The following ASGR2 variants were observed in gnomAD, a reference collection of about 807,000 sequenced individuals.
The protein encoded by ASGR2 is asialoglycoprotein receptor 2.
In ASGR2, 34 loss-of-function variants were observed where a neutral mutation model predicts 32.3. The observed-to-expected ratio is 1.05, with a 90% CI of 0.80 to 1.40. The LOEUF is 1.40. Among genes scored for constraint, ASGR2 ranks in the 40% most tolerant of loss-of-function variants. The pLI is 0.00. For synonymous variants in ASGR2, 143 were observed against 150.0 expected (o/e 0.95, Z 0.34); for missense variants, 385 against 386.4 (o/e 1.00, Z 0.03).
intron 7 of ASGR2, among the ~76,000 whole-genome samples, chr17:7,105,854 T>C (rs866030598): frequency 6.6e-6 from 1 of 151,038 alleles, no homozygotes; most frequent in South Asian, 2.1e-4. Context: ...AATGGCGCAG[T>C]CTCAGCTCAC....
In ASGR2 at chr17:7,107,552, TAC is replaced by T. The variant is rs1597383106; in HGVS notation, c.410-237_410-236del. The T allele has an allele frequency of 8.3e-6, 5 of 599,440 alleles. No individual in the cohort carries two copies. The East Asian group carries it at 1.2e-4, about 14-fold the overall frequency. 37.1% of individuals were successfully genotyped at this position (599,440 alleles called of 1,614,324 possible). A position where few individuals can be genotyped will look rare whatever the true frequency, so the allele number is the denominator to read the frequency against. On this transcript the variant is annotated intron_variant, in intron 5 of 8. Transcript: ENST00000691900. The surrounding 1 kb of genome is among the most constrained non-coding windows in gnomAD (Gnocchi z 5.0). ...AGACACACCACACACATCACATGCG[TAC>T]ACACACATATACCATACCGCACACA...
In ASGR2 at chr17:7,114,819, C is replaced by A; in HGVS notation, c.-275G>T. The stretch of plus-strand genomic sequence containing the variant: ...GCACCTCCTGGCCTGGGACTTTGGA[C>A]AGTAAACAGAAGAGGAAACAGAGCT... On this transcript the variant is annotated 5_prime_UTR_variant, in exon 1 of 9. Coordinates refer to ENST00000691900, the MANE Select transcript of ASGR2 (RefSeq NM_001201352.2). The surrounding 1 kb of genome is among the most constrained non-coding windows in gnomAD (Gnocchi z 4.5). 1.0e-6 allele frequency: 1 copy of A among 988,616 alleles called. No individual in the cohort carries two copies. The highest frequency in any genetic ancestry group is 1.2e-6 in the Non-Finnish European group (1 of 832,140). 61.2% of individuals were successfully genotyped at this position (988,616 alleles called of 1,614,324 possible). A position where few individuals can be genotyped will look rare whatever the true frequency, so the allele number is the denominator to read the frequency against.
At position 7,107,056 on chromosome 17, in the gene ASGR2, T is replaced by C. The variant is rs1410536147; in HGVS notation, c.592A>G (p.Lys198Glu). ...HSGKAWAEAE[K>E]YCQLENAHLV... ...TGTGCGTTCTCCAGCTGGCAGTACT[T>C]CTCCGCCTCAGCCCAGGCCTTCCCG... Residue 198 changes from lysine to glutamate, a missense_variant, in exon 7 of 9, where the codon AAG (lysine) becomes GAG (glutamate). Lys to Glu is a moderately conservative substitution (Grantham distance 56). Transcript: ENST00000691900. The surrounding 1 kb of genome is among the most constrained non-coding windows in gnomAD (Gnocchi z 5.0). 2.5e-6 allele frequency: 4 copies of C among 1,613,990 alleles called. No homozygotes were observed. The African/African-American group carries it at 4.0e-5, about 16-fold the overall frequency.
In ASGR2 at chr17:7,108,856, G is replaced by A. The variant is rs772101733; in HGVS notation, c.157C>T (p.Leu53Phe). Reference sequence around the variant, plus strand: ...AGACTGAAGCAGACCATGGAGCAGAGACGCTGTGCCAGGGGCTGGGCAGGA... The same window carrying A: ...AGACTGAAGCAGACCATGGAGCAGAAACGCTGTGCCAGGGGCTGGGCAGGA... Reference protein sequence around the residue: ...PPPAQPLAQRLCSMVCFSLLA... With the variant: ...PPPAQPLAQRFCSMVCFSLLA... Residue 53 changes from leucine (L) to phenylalanine (F), a missense_variant, in exon 3 of 9, where the codon CTC (leucine) becomes TTC (phenylalanine). Physicochemically the swap from Leu to Phe is conservative, Grantham distance 22. Transcript: ENST00000691900. The surrounding 1 kb of genome is among the most constrained non-coding windows in gnomAD (Gnocchi z 4.9). The A allele has an allele frequency of 3.1e-6, 5 of 1,606,478 alleles. No individual in the cohort carries two copies. Among genetic ancestry groups the A allele is most frequent in the Non-Finnish European group, 4.2e-6 (5 of 1,176,794 alleles).
intron 2 of ASGR2, among the ~76,000 whole-genome samples, chr17:7,110,268 G>C (rs144029898): frequency 6.6e-6 from 1 of 151,786 alleles, no homozygotes; most frequent in Non-Finnish European, 1.5e-5. Flanking sequence ...GCCCACTCCC[G>C]CTCTGAGCAC....
intron 7 of ASGR2, among the ~76,000 whole-genome samples, chr17:7,103,559 G>A (rs144681961): frequency 6.8e-4 from 104 of 152,250 alleles, no homozygotes; most frequent in Non-Finnish European, 1.2e-3. Flanking sequence ...AAGACAGTCC[G>A]GGAGAATTCA....
In ASGR2 at chr17:7,107,876, T is replaced by C; in HGVS notation, c.369A>G (p.Leu123=). ...GCTGCTGTTTCTCCAGCTTGGCTCC[T>C]AGGGATGTGATCTTGTCACCCACGC... ...GGSVGDKITS[L]GAKLEKQQQD... Residue 123 remains leucine (L), a synonymous_variant, in exon 5 of 9, where the codon CTA becomes CTG. Transcript: ENST00000691900. This position sits in a 1 kb window ranked among gnomAD's most constrained non-coding sequence, Gnocchi z 5.0. 1.2e-6 allele frequency: 2 copies of C among 1,613,438 alleles called. No homozygotes were observed. The highest frequency in any genetic ancestry group is 1.7e-6 in the Non-Finnish European group (2 of 1,179,958).
upstream of ASGR2, chr17:7,115,003 T>C (rs1187566870): frequency 2.0e-6 from 2 of 985,694 alleles, no homozygotes; most frequent in Non-Finnish European, 2.4e-6. This position sits in a 1 kb window ranked among gnomAD's most constrained non-coding sequence, Gnocchi z 4.2. Flanking sequence ...GGGGTGCAGT[T>C]TGCCGTTTCC....
chr17:7,109,522 G>A (rs771002024), intron 2 of ASGR2, among the ~76,000 whole-genome samples: 7 of 151,748 alleles, frequency 4.6e-5, no homozygotes, highest in Non-Finnish European at 8.8e-5. Flanking sequence ...CCCCCACCAC[G>A]CAAGGCCTCC....
chr17:7,108,967 G>A lies in ASGR2; in HGVS notation c.125-79C>T, dbSNP rs1914256877. 4 of 1,304,988 alleles carry A rather than the reference G, an allele frequency of 3.1e-6. No homozygotes were observed. The South Asian group carries it at 5.1e-5, about 17-fold the overall frequency. 80.8% of individuals were successfully genotyped at this position (1,304,988 alleles called of 1,614,324 possible). ...TAAAGACAGGGCACCGAAGCCTGAG[G>A]AGGCATAACCTGGGCGGGGGGATTG... On this transcript the variant is annotated intron_variant, in intron 2 of 8. Transcript: ENST00000691900. This position sits in a 1 kb window ranked among gnomAD's most constrained non-coding sequence, Gnocchi z 4.9.
chr17:7,108,614 T>A lies in ASGR2; in HGVS notation c.242-57A>T, dbSNP rs1914189082. On this transcript the variant is annotated intron_variant, in intron 3 of 8. Transcript: ENST00000691900. This position sits in a 1 kb window ranked among gnomAD's most constrained non-coding sequence, Gnocchi z 4.9. The stretch of plus-strand genomic sequence containing the variant: ...CAGAGGGGCCGTGTCCCCATCACTG[T>A]CCATGTGACTGGCCCCTCAATGTCC... The A allele has an allele frequency of 1.2e-6, 2 of 1,600,896 alleles. No homozygotes were observed. The highest frequency in any genetic ancestry group is 1.7e-6 in the Non-Finnish European group (2 of 1,171,748).
At chr17:7,110,773 C>G (rs558476370) in intron 2 of ASGR2, among the ~76,000 whole-genome samples, 1 of 152,316 alleles carries the variant, frequency 6.6e-6, no homozygotes, top group African/African-American at 2.4e-5. Flanking sequence ...AAAACAAAAA[C>G]AGACAACTAT....
intron 2 of ASGR2, among the ~76,000 whole-genome samples, chr17:7,109,452 T>G (rs754160526): frequency 3.3e-5 from 5 of 151,964 alleles, no homozygotes; most frequent in Admixed American, 1.3e-4. Flanking sequence ...TAAATCTGGG[T>G]CATTCCACCA....
chr17:7,108,212 C>A lies in ASGR2; in HGVS notation c.337+250G>T, dbSNP rs981366423. On this transcript the variant is annotated intron_variant, in intron 4 of 8. Coordinates refer to ENST00000691900, the MANE Select transcript of ASGR2 (RefSeq NM_001201352.2). This position sits in a 1 kb window ranked among gnomAD's most constrained non-coding sequence, Gnocchi z 4.9. Reference sequence around the variant, plus strand: ...CTGCCTGCCCCTCCGATGGGCCTGCCACACTCGATTTGCTCACAGGCCCAA... The same window carrying A: ...CTGCCTGCCCCTCCGATGGGCCTGCAACACTCGATTTGCTCACAGGCCCAA... Among the ~76,000 whole-genome samples the A allele has an allele frequency of 1.3e-5, 2 of 152,210 alleles. No individual in the cohort carries two copies. Among genetic ancestry groups the A allele is most frequent in the African/African-American group, 4.8e-5 (2 of 41,446 alleles).
chr17:7,101,765 A>T (rs1465756792), intron 8 of ASGR2, 25 bp from the exon 9 acceptor site: 1 of 1,608,512 alleles, frequency 6.2e-7, no homozygotes, highest in Non-Finnish European at 8.5e-7. Context: ...GAAAACTCGG[A>T]CTCTGCCACG....
rs1914087566 is a variant in ASGR2, at chr17:7,108,014, C to A, written c.338-107G>T. On this transcript the variant is annotated intron_variant, in intron 4 of 8. Transcript: ENST00000691900. The surrounding 1 kb of genome is among the most constrained non-coding windows in gnomAD (Gnocchi z 4.9). ...TCCTGGGCGATGCAGGCGTCCACCTCCTGGCTTCCTGGACCACACCCAGGC... is the reference window on the plus strand; with the variant it reads ...TCCTGGGCGATGCAGGCGTCCACCTACTGGCTTCCTGGACCACACCCAGGC... 2 of 1,292,022 alleles carry A rather than the reference C, an allele frequency of 1.5e-6. No homozygotes were observed. Among genetic ancestry groups the A allele is most frequent in the East Asian group, 5.0e-5 (2 of 40,078 alleles). 80.0% of individuals were successfully genotyped at this position (1,292,022 alleles called of 1,614,324 possible). A position where few individuals can be genotyped will look rare whatever the true frequency, so the allele number is the denominator to read the frequency against.
intron 7 of ASGR2, 67 bp from the exon 8 acceptor site, chr17:7,102,263 G>A: frequency 7.3e-7 from 1 of 1,374,566 alleles, no homozygotes; most frequent in Non-Finnish European, 1.0e-6. Context: ...ATGCAGGCAT[G>A]GAACTGTGGC....
chr17:7,104,803 T>C (rs1039023841), intron 7 of ASGR2, among the ~76,000 whole-genome samples: 1 of 151,774 alleles, frequency 6.6e-6, no homozygotes, highest in East Asian at 1.9e-4. Context: ...GGTGAAACCC[T>C]GTCTCTACTA....
At chr17:7,104,348 T>TAAAAAAAAAAA (rs71383461) in intron 7 of ASGR2, among the ~76,000 whole-genome samples, 895 of 79,738 alleles carry the variant, frequency 0.011, 12 homozygotes, top group Middle Eastern at 0.023. Flanking sequence ...AACTCTGTCT[T>TAAAAAAAAAAA]AAAAAAAAAA....
Sources: gnomAD v4.1 joint callset for allele counts (sites outside exome capture counted in the v4.1 genomes callset) on GRCh38, gnomAD v4.1.1 for gene constraint, Gnocchi (gnomAD v3.1) non-coding constraint, MANE v1.5 for transcripts, NCBI Gene and HGNC (gene_info 2026-07-23, HGNC 2026-07-21) for gene names.